PKIB: variants seen among roughly 807,000 people sequenced by gnomAD.
The protein encoded by PKIB is PKI-beta.
Under a neutral mutation model 4.5 loss-of-function variants are expected in PKIB, and 2 were observed. The ratio of observed to expected loss-of-function variants is 0.44; its 90% confidence interval spans 0.18 to 1.39. The LOEUF (loss-of-function observed/expected upper bound fraction) is 1.39. Among genes scored for constraint, PKIB ranks in the 40% most tolerant of loss-of-function variants. The probability of loss-of-function intolerance (pLI) is 0.27; values close to 1 mark genes in which losing one functional copy is unlikely to be tolerated. For synonymous variants in PKIB, 38 were observed against 36.0 expected (o/e 1.06, Z -0.20); for missense variants, 94 against 92.6 (o/e 1.02, Z -0.06).
intron 2 of PKIB, among the ~76,000 whole-genome samples, chr6:122,517,005 G>T (rs1036460025): frequency 1.3e-5 from 2 of 152,156 alleles, no homozygotes; most frequent in Non-Finnish European, 2.9e-5. Flanking sequence ...GCCATGTATG[G>T]ATCATTTGAA....
At chr6:122,471,952 C>A in exon 1 of PKIB, 11 of 1,128,340 alleles carry the variant, frequency 9.7e-6, no homozygotes, top group Non-Finnish European at 1.2e-5. Flanking sequence ...ACACGGCTGT[C>A]TTCTTTCCTG....
chr6:122,714,226 A>G (rs1221188240), intron 3 of PKIB, among the ~76,000 whole-genome samples: 1 of 152,184 alleles, frequency 6.6e-6, no homozygotes, highest in Non-Finnish European at 1.5e-5. Flanking sequence ...GGGCGGGGTT[A>G]GCTATTCGGT....
chr6:122,580,975 G>C (rs546630033), intron 2 of PKIB, among the ~76,000 whole-genome samples: 1 of 152,236 alleles, frequency 6.6e-6, no homozygotes, highest in South Asian at 2.1e-4. Context: ...GGTGGATGGT[G>C]CAGATTCTGT....
chr6:122,560,008 C>T (rs1467901450), intron 2 of PKIB, among the ~76,000 whole-genome samples: 1 of 152,162 alleles, frequency 6.6e-6, no homozygotes, highest in Non-Finnish European at 1.5e-5. Flanking sequence ...TTGACTTTCT[C>T]ATTACTGAAT....
rs746386713 is a variant in PKIB, at chr6:122,695,143, T to C, written c.-9+19999T>C. The stretch of plus-strand genomic sequence containing the variant: ...CTAACATTAAGCCAAAAAACAGGAT[T>C]ATTAAACAAAAATTTATATTGACCT... On this transcript the variant is annotated intron_variant, in intron 3 of 4. Transcript: ENST00000368452. 4.6e-5 allele frequency among the ~76,000 whole-genome samples: 7 copies of C among 152,152 alleles called. 1 individual carries two copies. The highest frequency in any genetic ancestry group is 1.3e-4 in the Admixed American group (2 of 15,274).
rs140758555 is a variant in PKIB, at chr6:122,547,809, G to A, written c.-247-38112G>A. Reference sequence around the variant, plus strand: ...ACCTTTTACAAACAATAGTGGCTCCGAGCCAGGTGATGAGCCTTCCCATAT... The same window carrying A: ...ACCTTTTACAAACAATAGTGGCTCCAAGCCAGGTGATGAGCCTTCCCATAT... On this transcript the variant is annotated intron_variant, in intron 2 of 6. Coordinates refer to the PKIB transcript ENST00000392491. 2.0e-4 allele frequency among the ~76,000 whole-genome samples: 30 copies of A among 152,240 alleles called. No homozygotes were observed. The East Asian group carries it at 5.4e-3, about 27-fold the overall frequency.
intron 2 of PKIB, among the ~76,000 whole-genome samples, chr6:122,539,848 A>G (rs989755185): frequency 7.2e-5 from 11 of 151,982 alleles, no homozygotes; most frequent in Non-Finnish European, 1.5e-4. Flanking sequence ...GATTATTGCC[A>G]CAATTTCAGA....
chr6:122,698,814 A>G (rs551294503), intron 3 of PKIB, among the ~76,000 whole-genome samples: 5 of 152,282 alleles, frequency 3.3e-5, no homozygotes, highest in African/African-American at 9.6e-5. Flanking sequence ...AAAGACTAAA[A>G]GATGTTGGAC....
intron 3 of PKIB, among the ~76,000 whole-genome samples, chr6:122,678,457 G>A (rs1421628828): frequency 6.6e-6 from 1 of 152,148 alleles, no homozygotes; most frequent in African/African-American, 2.4e-5. Flanking sequence ...CCAGAAGGCA[G>A]AGCCATCATC....
At chr6:122,531,655 C>T (rs990733984) in intron 2 of PKIB, among the ~76,000 whole-genome samples, 8 of 152,148 alleles carry the variant, frequency 5.3e-5, no homozygotes, top group Non-Finnish European at 8.8e-5. Flanking sequence ...GTCTCCACCT[C>T]CTTCCACTCC....
At chr6:122,723,577 G>A (rs1415102476) in intron 4 of PKIB, among the ~76,000 whole-genome samples, 1 of 151,654 alleles carries the variant, frequency 6.6e-6, no homozygotes, top group Non-Finnish European at 1.5e-5. Flanking sequence ...TAGTTTTTTT[G>A]GTACCTCTAT....
chr6:122,484,143 C>T lies in PKIB; in HGVS notation c.-248+6204C>T, dbSNP rs188450530. On this transcript the variant is annotated intron_variant, in intron 2 of 6. Coordinates refer to the PKIB transcript ENST00000392491. ...ATTTGGTTGTGCCTTCCATATTTTC[C>T]GCACAACACTCTTGAAGTAAATAAA... The T allele has an allele frequency of 1.1e-4, 17 of 150,480 alleles. No individual in the cohort carries two copies. In the East Asian group the frequency reaches 2.0e-3, roughly 17 times the overall value. 9.3% of individuals were successfully genotyped at this position (150,480 alleles called of 1,614,324 possible). A position where few individuals can be genotyped will look rare whatever the true frequency, so the allele number is the denominator to read the frequency against.
intron 2 of PKIB, among the ~76,000 whole-genome samples, chr6:122,660,438 T>G (rs1776939507): frequency 6.6e-6 from 1 of 152,208 alleles, no homozygotes. Flanking sequence ...CCTTCCAAAC[T>G]GATCATGCTG....
At chr6:122,696,522 C>G (rs867784399) in intron 3 of PKIB, among the ~76,000 whole-genome samples, 1 of 152,178 alleles carries the variant, frequency 6.6e-6, no homozygotes, top group Admixed American at 6.5e-5. Context: ...TTTGTATGTT[C>G]TTCGACCCTA....
At chr6:122,509,612 T>C (rs896347571) in intron 2 of PKIB, among the ~76,000 whole-genome samples, 2 of 152,000 alleles carry the variant, frequency 1.3e-5, no homozygotes, top group Non-Finnish European at 2.9e-5. Flanking sequence ...TTTGTATTTT[T>C]AGTAGAGACA....
intron 3 of PKIB, among the ~76,000 whole-genome samples, chr6:122,600,584 G>A (rs546389913): frequency 3.9e-4 from 60 of 152,332 alleles, no homozygotes; most frequent in African/African-American, 1.4e-3. Context: ...TACCTCAGAA[G>A]AGGGGCAAAA....
intron 3 of PKIB, among the ~76,000 whole-genome samples, chr6:122,590,076 A>G (rs988135562): frequency 2.0e-5 from 3 of 152,204 alleles, no homozygotes; most frequent in African/African-American, 4.8e-5. Flanking sequence ...TTAAATACAC[A>G]CTTTTGGGAA....
At chr6:122,683,871 A>T (rs1010266927) in intron 3 of PKIB, among the ~76,000 whole-genome samples, 1 of 152,210 alleles carries the variant, frequency 6.6e-6, no homozygotes, top group African/African-American at 2.4e-5. Flanking sequence ...CTGGATATTT[A>T]TTCCAAAGAA....
chr6:122,663,608 A>G (rs536230122), intron 2 of PKIB, among the ~76,000 whole-genome samples: 1 of 152,300 alleles, frequency 6.6e-6, no homozygotes, highest in Non-Finnish European at 1.5e-5. Context: ...AGCTCCAGGT[A>G]TCCCTCAGCT....
Sources: allele counts gnomAD v4.1 joint callset (sites outside exome capture counted in the v4.1 genomes callset), GRCh38; gene constraint gnomAD v4.1.1; transcripts MANE v1.5; gene names NCBI Gene and HGNC (gene_info 2026-07-23, HGNC 2026-07-21).